ATP9B: variants seen among roughly 807,000 people sequenced by gnomAD.
ATP9B encodes probable phospholipid-transporting ATPase IIB.
A neutral mutation model predicts 146.1 loss-of-function variants in ATP9B; 110 were observed. That is an observed-to-expected ratio of 0.75 (90% CI 0.65 to 0.88). ATP9B has a LOEUF of 0.88. Ranked by LOEUF, ATP9B falls within the 40% of genes least tolerant of loss-of-function variation. The pLI, the probability that ATP9B is intolerant of heterozygous loss-of-function variation, is 0.00. For synonymous variants in ATP9B, 604 were observed against 569.7 expected (o/e 1.06, Z -0.86); for missense variants, 1,499 against 1,496.4 (o/e 1.00, Z -0.03).
chr18:79,137,654 G>A (rs984084516), intron 5 of ATP9B, among the ~76,000 whole-genome samples: 7 of 152,148 alleles, frequency 4.6e-5, no homozygotes, highest in Non-Finnish European at 1.0e-4. Context: ...CAGCATGCAG[G>A]CATGTTCTCC....
intron 13 of ATP9B, among the ~76,000 whole-genome samples, chr18:79,288,805 G>T (rs1324547323): frequency 1.3e-5 from 2 of 152,098 alleles, no homozygotes; most frequent in African/African-American, 4.8e-5. Flanking sequence ...TTTAGGGCAG[G>T]CCTGGTGGTG....
At chr18:79,230,112 C>T (rs577839622) in intron 11 of ATP9B, among the ~76,000 whole-genome samples, 1 of 152,134 alleles carries the variant, frequency 6.6e-6, no homozygotes, top group East Asian at 1.9e-4. Context: ...TAAAATGATA[C>T]AAGTAGTTCA....
rs1190173693 is a variant in ATP9B at position 79,377,095 on chromosome 18, T to C, written c.3308-152T>C. 3 of 870,694 alleles carry C rather than the reference T, an allele frequency of 3.4e-6. No homozygotes were observed. The African/African-American group carries it at 5.0e-5, about 15-fold the overall frequency. 53.9% of individuals were successfully genotyped at this position (870,694 alleles called of 1,614,324 possible). On this transcript the variant is annotated intron_variant, in intron 29 of 29. Transcript: ENST00000426216. Reference sequence around the variant, plus strand: ...AAACAATTCTGCAGTCAAGAAAACCTGAGATTTGGAGCTGGGCCCCTGTAA... The same window carrying C: ...AAACAATTCTGCAGTCAAGAAAACCCGAGATTTGGAGCTGGGCCCCTGTAA...
chr18:79,213,907 A>G (rs1343906706), intron 10 of ATP9B, 55 bp from the exon 11 acceptor site: 6 of 1,263,410 alleles, frequency 4.7e-6, no homozygotes, highest in Admixed American at 2.3e-5. Context: ...AGAAAGTGTT[A>G]TCTTTTACTC....
intron 19 of ATP9B, among the ~76,000 whole-genome samples, chr18:79,341,368 TGGTTGG>T: frequency 7.9e-6 from 1 of 126,098 alleles, no homozygotes; most frequent in Non-Finnish European, 1.7e-5. Flanking sequence ...CATTTAGTTG[TGGTTGG>T]ATGTGTGTAG....
chr18:79,106,197 C>T (rs966679017), intron 2 of ATP9B, among the ~76,000 whole-genome samples: 27 of 152,232 alleles, frequency 1.8e-4, no homozygotes, highest in African/African-American at 6.3e-4. Context: ...CCTGAATAAT[C>T]AATAATTTAG....
chr18:79,154,876 G>T (rs985374562), intron 7 of ATP9B, among the ~76,000 whole-genome samples: 1 of 152,168 alleles, frequency 6.6e-6, no homozygotes, highest in African/African-American at 2.4e-5. Flanking sequence ...TTCTTTGAAT[G>T]ACAGTATATT....
intron 9 of ATP9B, among the ~76,000 whole-genome samples, chr18:79,198,957 T>G (rs949168228): frequency 2.0e-5 from 3 of 152,096 alleles, no homozygotes; most frequent in Non-Finnish European, 2.9e-5. Flanking sequence ...TCCTATAACT[T>G]TAATTTTTTT....
chr18:79,287,175 A>G (rs1461982512), intron 13 of ATP9B, among the ~76,000 whole-genome samples: 1 of 152,188 alleles, frequency 6.6e-6, no homozygotes. Flanking sequence ...ATTGATTGGA[A>G]TAGTTTCAGA....
intron 15 of ATP9B, among the ~76,000 whole-genome samples, chr18:79,327,068 C>T (rs1034640041): frequency 6.6e-6 from 1 of 152,252 alleles, no homozygotes; most frequent in Non-Finnish European, 1.5e-5. Flanking sequence ...AACTTTGCTA[C>T]AGTCTCTCTA....
chr18:79,289,797 A>G (rs1259276637), intron 13 of ATP9B, among the ~76,000 whole-genome samples: 1 of 152,088 alleles, frequency 6.6e-6, no homozygotes, highest in Non-Finnish European at 1.5e-5. Context: ...TTTGGTGTGG[A>G]TGTCCTTTCT....
chr18:79,124,047 A>C (rs2094237555), intron 4 of ATP9B, among the ~76,000 whole-genome samples: 1 of 152,170 alleles, frequency 6.6e-6, no homozygotes, highest in Non-Finnish European at 1.5e-5. Flanking sequence ...TGGAACCCTC[A>C]TTAGTTGCTG....
chr18:79,114,166 G>A (rs2094022148), intron 4 of ATP9B, among the ~76,000 whole-genome samples: 1 of 152,062 alleles, frequency 6.6e-6, no homozygotes, highest in African/African-American at 2.4e-5. Context: ...CACCATGTTG[G>A]CTAGGCTGGT....
chr18:79,251,682 A>C (rs779680613), intron 11 of ATP9B, among the ~76,000 whole-genome samples: 7 of 152,258 alleles, frequency 4.6e-5, no homozygotes, highest in Non-Finnish European at 7.3e-5. Flanking sequence ...ATATTAATCA[A>C]AACCAGATAT....
At chr18:79,130,058 C>CA (rs941648494) in intron 5 of ATP9B, among the ~76,000 whole-genome samples, 7 of 151,984 alleles carry the variant, frequency 4.6e-5, no homozygotes, top group East Asian at 1.9e-4. Flanking sequence ...CAGTTTTCTA[C>CA]AAAAAACATT....
intron 5 of ATP9B, among the ~76,000 whole-genome samples, chr18:79,131,281 G>C (rs940033895): frequency 4.6e-5 from 7 of 152,166 alleles, no homozygotes; most frequent in Non-Finnish European, 7.3e-5. Flanking sequence ...ATCTGATAAG[G>C]ATCCAGTATC....
At chr18:79,145,997 G>A in intron 6 of ATP9B, 1 of 130,118 alleles carries the variant, frequency 7.7e-6, no homozygotes, top group Non-Finnish European at 1.5e-5. Flanking sequence ...GGAGCTGCCG[G>A]TGTGGAGAGT....
At chr18:79,169,310 G>A (rs578141758) in intron 7 of ATP9B, among the ~76,000 whole-genome samples, 1 of 152,292 alleles carries the variant, frequency 6.6e-6, no homozygotes, top group African/African-American at 2.4e-5. Flanking sequence ...TTGGTTGTCT[G>A]TCTTTACTTG....
At chr18:79,101,833 T>C (rs2075299343) in intron 2 of ATP9B, among the ~76,000 whole-genome samples, 1 of 152,222 alleles carries the variant, frequency 6.6e-6, no homozygotes, top group Non-Finnish European at 1.5e-5. Context: ...TTTCTACTTG[T>C]GTTGTTTATT....
Sources: allele counts gnomAD v4.1 joint callset (sites outside exome capture counted in the v4.1 genomes callset), GRCh38; gene constraint gnomAD v4.1.1; transcripts MANE v1.5; gene names NCBI Gene and HGNC (gene_info 2026-07-23, HGNC 2026-07-21).